ZNF658: variants seen among roughly 807,000 people sequenced by gnomAD.
ZNF658 encodes the protein zinc finger protein 658.
A neutral mutation model predicts 78.0 loss-of-function variants in ZNF658; 46 were observed. That is an observed-to-expected ratio of 0.59 (90% CI 0.47 to 0.75). The LOEUF (loss-of-function observed/expected upper bound fraction) is 0.75. Ranked by LOEUF, ZNF658 falls within the 30% of genes least tolerant of loss-of-function variation. ZNF658 has a pLI of 0.00. For missense variants in ZNF658, 785 were observed against 1,189.3 expected, an observed-to-expected ratio of 0.66 and a Z score of 5.00; for synonymous variants, 279 against 408.4, an observed-to-expected ratio of 0.68 and a Z score of 3.82.
intron 6 of ZNF658, chr9:66,931,992 C>T (rs1036599382): frequency 1.9e-4 from 28 of 146,664 alleles, no homozygotes; most frequent in African/African-American, 7.1e-4. Flanking sequence ...CACCTGTCCC[C>T]GACTTACTTT....
In ZNF658 at chr9:66,918,117, C is replaced by T; in HGVS notation, c.551C>T (p.Ala184Val). 2 of 1,593,792 alleles carry T rather than the reference C, an allele frequency of 1.3e-6. No individual in the cohort carries two copies. The highest frequency in any genetic ancestry group is 1.7e-6 in the Non-Finnish European group (2 of 1,173,974). The change falls in exon 5 of 5, where the codon GCT (alanine) becomes GTT (valine). Residue 184 changes from alanine (A) to valine (V), a missense_variant. Physicochemically the swap from Ala to Val is moderately conservative, Grantham distance 64 (BLOSUM62 0). Transcript: ENST00000621410. The stretch of plus-strand genomic sequence containing the variant: ...GATATTAAGCATGAGAAAGCTCATG[C>T]TGAAGAGAAATCTTATGAACATGGT... ...QLDIKHEKAH[A>V]EEKSYEHGEN...
chr9:66,929,827 G>C (rs1222193667), intron 6 of ZNF658, among the ~76,000 whole-genome samples: 1 of 120,018 alleles, frequency 8.3e-6, no homozygotes, highest in Non-Finnish European at 1.7e-5. Flanking sequence ...TCTGTTGCCC[G>C]GGCTGGAGTG....
At position 66,920,375 on chromosome 9, in the gene ZNF658, C is replaced by T; in HGVS notation, c.2809C>T (p.Pro937Ser). Residue 937 changes from proline (P) to serine (S), a missense_variant, in exon 5 of 5, where the codon CCC (proline) becomes TCC (serine). Coordinates refer to ENST00000621410, the MANE Select transcript of ZNF658 (RefSeq NM_033160.7). ...TCAGAGAGTTCATACGGGGGAGAAA[C>T]CCTACGAATGTAATGTATGTGGGAA... is the stretch of plus-strand genomic sequence containing the variant. ...AHQRVHTGEK[P>S]YECNVCGKPF... The T allele has an allele frequency of 6.2e-7, 1 of 1,613,116 alleles. No homozygotes were observed. Among genetic ancestry groups the T allele is most frequent in the Non-Finnish European group, 8.5e-7 (1 of 1,179,910 alleles).
chr9:66,909,640 C>G (rs549763224), intron 4 of ZNF658, among the ~76,000 whole-genome samples: 1 of 152,060 alleles, frequency 6.6e-6, no homozygotes, highest in African/African-American at 2.4e-5. Flanking sequence ...GAGGAACCAC[C>G]AGACTGTTTT....
Position 66,918,564 on chromosome 9 carries a change from A to C in ZNF658, c.998A>C (p.Asn333Thr). ...TTTGAAAGCAATAAATGTGAAGAAA[A>C]TTTTAGCCAGAGCTCAGCCCATATA... ...SAFESNKCEENFSQSSAHIVH... is the reference protein window; with the variant it reads ...SAFESNKCEETFSQSSAHIVH... Residue 333 changes from asparagine (N) to threonine (T), a missense_variant, in exon 5 of 5, where the codon AAT becomes ACT. By Grantham distance (65) the Asn-to-Thr change is moderately conservative. Transcript: ENST00000621410. The C allele has an allele frequency of 3.1e-6, 5 of 1,608,484 alleles. No individual in the cohort carries two copies. Among genetic ancestry groups the C allele is most frequent in the South Asian group, 1.1e-5 (1 of 90,816 alleles).
At chr9:66,921,510 C>T (rs996081814), downstream of ZNF658, 11 of 150,558 alleles carry the variant, frequency 7.3e-5, no homozygotes, top group Non-Finnish European at 1.2e-4. Flanking sequence ...AACTGATGTA[C>T]CAAGCTTCTG....
downstream of ZNF658, among the ~76,000 whole-genome samples, chr9:66,926,383 G>A (rs911663816): frequency 2.0e-5 from 3 of 151,720 alleles, no homozygotes; most frequent in African/African-American, 7.3e-5. Context: ...CAGCAAAGTA[G>A]TATGATAAAA....
At chr9:66,925,299 C>T (rs1437277509), downstream of ZNF658, among the ~76,000 whole-genome samples, 1 of 151,264 alleles carries the variant, frequency 6.6e-6, no homozygotes, top group Non-Finnish European at 1.5e-5. Context: ...AACAGAATAA[C>T]ACACAAGGAC....
intron 2 of ZNF658, among the ~76,000 whole-genome samples, chr9:66,907,851 T>C (rs1822115194): frequency 6.6e-6 from 1 of 151,886 alleles, no homozygotes; most frequent in Admixed American, 6.6e-5. Flanking sequence ...ATATAAAGTT[T>C]GGTCAGGGTA....
chr9:66,925,812 C>T (rs1011344072), downstream of ZNF658, among the ~76,000 whole-genome samples: 9 of 151,264 alleles, frequency 5.9e-5, no homozygotes, highest in African/African-American at 2.2e-4. Context: ...GTCTATGTCC[C>T]TGATTAATAT....
intron 4 of ZNF658, among the ~76,000 whole-genome samples, chr9:66,910,197 A>G (rs1822181137): frequency 6.6e-6 from 1 of 152,144 alleles, no homozygotes; most frequent in Non-Finnish European, 1.5e-5. Flanking sequence ...AGTCTATAAC[A>G]ATTTCCCTGG....
rs755536348 is a variant in ZNF658, at chr9:66,920,388, A to T, written c.2822A>T (p.Asn941Ile). Reference protein sequence around the residue: ...VHTGEKPYECNVCGKPFAHNS... With the variant: ...VHTGEKPYECIVCGKPFAHNS... Reference sequence around the variant, plus strand: ...ACGGGGGAGAAACCCTACGAATGTAATGTATGTGGGAAGCCATTTGCCCAT... The same window carrying T: ...ACGGGGGAGAAACCCTACGAATGTATTGTATGTGGGAAGCCATTTGCCCAT... The change falls in exon 5 of 5, where the codon AAT (asparagine) becomes ATT (isoleucine). Residue 941 changes from asparagine to isoleucine, a missense_variant. By Grantham distance (149) the Asn-to-Ile change is moderately radical. Coordinates refer to ENST00000621410, the MANE Select transcript of ZNF658 (RefSeq NM_033160.7). The T allele has an allele frequency of 2.5e-6, 4 of 1,612,716 alleles. No homozygotes were observed. Among genetic ancestry groups the T allele is most frequent in the Non-Finnish European group, 3.4e-6 (4 of 1,179,834 alleles).
intron 6 of ZNF658, among the ~76,000 whole-genome samples, chr9:66,930,454 G>T (rs1442936708): frequency 4.8e-5 from 7 of 146,682 alleles, no homozygotes; most frequent in Non-Finnish European, 7.5e-5. Context: ...AACTCTGGAT[G>T]AGCTTGCCTT....
At position 66,917,816 on chromosome 9, in the gene ZNF658, G is replaced by T. The variant is rs1256597060; in HGVS notation, c.250G>T (p.Val84Phe). ...LNQRYPGYFK[V>F]DHIKGIREKQ... ...TTTTCTCATTTTAGGGTATTTTAAA[G>T]TTGATCACATCAAAGGGATCCGGGA... is the stretch of plus-strand genomic sequence containing the variant. The change falls in exon 5 of 5, where the codon GTT (valine) becomes TTT (phenylalanine). Residue 84 changes from valine (V) to phenylalanine (F), a missense_variant. Val to Phe is a conservative substitution (Grantham distance 50). This residue lies in a region of ZNF658 where 79 missense variants were observed against 96.5 expected (regional missense o/e 0.82). Transcript: ENST00000621410. 4.1e-6 allele frequency: 4 copies of T among 967,512 alleles called. 1 individual carries two copies. The allele number at this position is 967,512 out of a possible 1,614,324, so 59.9% of individuals were successfully genotyped here. A position where few individuals can be genotyped will look rare whatever the true frequency, so the allele number is the denominator to read the frequency against.
In ZNF658 at chr9:66,918,389, T is replaced by C. The variant is rs780262097; in HGVS notation, c.823T>C (p.Tyr275His). ...GGGGAAATGCTCTGATCTTAATGAA[T>C]ATGGGACATCCTGTGACAAAACCAC... ...TRGKCSDLNE[Y>H]GTSCDKTTAV... The change falls in exon 5 of 5, where the codon TAT (tyrosine) becomes CAT (histidine). Residue 275 changes from tyrosine (Y) to histidine (H), a missense_variant. Physicochemically the swap from Tyr to His is moderately conservative, Grantham distance 83. Around this residue, in one of 12 missense-constraint regions of ZNF658, gnomAD observed 393 missense variants for 400.2 expected, o/e 0.98. Transcript: ENST00000621410. 1 of 1,613,654 alleles carries C rather than the reference T, an allele frequency of 6.2e-7. No individual in the cohort carries two copies. Among genetic ancestry groups the C allele is most frequent in the Non-Finnish European group, 8.5e-7 (1 of 1,179,800 alleles).
rs1387780655 is a variant in ZNF658 at position 66,918,123 on chromosome 9, A to G, written c.557A>G (p.Glu186Gly). 1 of 1,594,360 alleles carries G rather than the reference A, an allele frequency of 6.3e-7. No individual in the cohort carries two copies. Among genetic ancestry groups the G allele is most frequent in the African/African-American group, 1.4e-5 (1 of 73,628 alleles). ...DIKHEKAHAE[E>G]KSYEHGENAK... ...AAGCATGAGAAAGCTCATGCTGAAG[A>G]GAAATCTTATGAACATGGTGAAAAT... Residue 186 changes from glutamate to glycine, a missense_variant, in exon 5 of 5, where the codon GAG (glutamate) becomes GGG (glycine). Glu to Gly is a moderately conservative substitution (Grantham distance 98). Around this residue, in one of 12 missense-constraint regions of ZNF658, gnomAD observed 393 missense variants for 400.2 expected, o/e 0.98. Coordinates refer to ENST00000621410, the MANE Select transcript of ZNF658 (RefSeq NM_033160.7).
intron 2 of ZNF658, among the ~76,000 whole-genome samples, chr9:66,905,278 G>T (rs996691049): frequency 6.7e-6 from 1 of 149,760 alleles, no homozygotes; most frequent in Admixed American, 6.7e-5. Context: ...GTTTTACCAT[G>T]TTGGCCAGGC....
Position 66,917,949 on chromosome 9 carries a change from C to T in ZNF658, c.383C>T (p.Ala128Val). The stretch of plus-strand genomic sequence containing the variant: ...GAAAAACCATTTAATCTGGAAATAG[C>T]TCCAGAGCTTTCAGAAAAAATATCC... ...VLEKPFNLEI[A>V]PELSEKISCK... is the part of the protein sequence containing the mutation. Residue 128 changes from alanine (A) to valine (V), a missense_variant, in exon 5 of 5, where the codon GCT becomes GTT. Ala to Val is a moderately conservative substitution (Grantham distance 64). Around this residue, in one of 12 missense-constraint regions of ZNF658, gnomAD observed 54 missense variants for 48.9 expected, o/e 1.10. Coordinates refer to ENST00000621410, the MANE Select transcript of ZNF658 (RefSeq NM_033160.7). The T allele has an allele frequency of 6.2e-7, 1 of 1,610,298 alleles. No homozygotes were observed.
rs1325241214 is a variant in ZNF658 at position 66,908,647 on chromosome 9, A to G, written c.151A>G (p.Ile51Val). The change falls in exon 4 of 5, where the codon ATT (isoleucine) becomes GTT (valine). Residue 51 changes from isoleucine to valine, a missense_variant. By Grantham distance (29) the Ile-to-Val change is conservative. This residue lies in a region of ZNF658 where 79 missense variants were observed against 96.5 expected (regional missense o/e 0.82). Coordinates refer to ENST00000621410, the MANE Select transcript of ZNF658 (RefSeq NM_033160.7). ...AATTATTTTGTTTACAGGATATTGC[A>G]TTACTAAACCTAAGGTGATCTCCAA... ...YSHLISVGYC[I>V]TKPKVISKLE... The G allele has an allele frequency of 6.6e-7, 1 of 1,518,608 alleles. No individual in the cohort carries two copies. Among genetic ancestry groups the G allele is most frequent in the East Asian group, 2.3e-5 (1 of 44,414 alleles). 94.1% of individuals were successfully genotyped at this position (1,518,608 alleles called of 1,614,324 possible). A position where few individuals can be genotyped will look rare whatever the true frequency, so the allele number is the denominator to read the frequency against.
Sources: gnomAD v4.1 joint callset for allele counts (sites outside exome capture counted in the v4.1 genomes callset) on GRCh38, gnomAD v4.1.1 for gene constraint, gnomAD v4.1.1 regional missense constraint, MANE v1.5 for transcripts, NCBI Gene and HGNC (gene_info 2026-07-23, HGNC 2026-07-21) for gene names.